DPP10: variants seen among roughly 807,000 people sequenced by gnomAD.
DPP10 encodes the protein inactive dipeptidyl peptidase 10.
A neutral mutation model predicts 120.9 loss-of-function variants in DPP10; 33 were observed. The ratio of observed to expected loss-of-function variants is 0.27; its 90% CI spans 0.21 to 0.37. The LOEUF (loss-of-function observed/expected upper bound fraction) is 0.37, where lower values mean the gene tolerates loss of function less well. DPP10 is among the 10% of genes least tolerant of loss of function. The pLI, the probability that DPP10 is intolerant of heterozygous loss-of-function variation, is 1.00. For synonymous variants in DPP10, 337 were observed against 326.1 expected (o/e 1.03, Z -0.36); for missense variants, 816 against 942.8 (o/e 0.87, Z 1.76).
At chr2:115,116,910 T>C (rs2049540160) in intron 1 of DPP10, among the ~76,000 whole-genome samples, 1 of 152,214 alleles carries the variant, frequency 6.6e-6, no homozygotes, top group Non-Finnish European at 1.5e-5. Context: ...TAAATTTTTA[T>C]CAGATTTCTT....
chr2:115,506,724 A>G (rs2076961521), intron 4 of DPP10, among the ~76,000 whole-genome samples: 4 of 152,220 alleles, frequency 2.6e-5, no homozygotes, highest in African/African-American at 9.6e-5. Context: ...GTATAGATCT[A>G]TCTATGCAGA....
chr2:114,724,492 T>C (rs1427098936), intron 1 of DPP10, among the ~76,000 whole-genome samples: 1 of 152,198 alleles, frequency 6.6e-6, no homozygotes, highest in Non-Finnish European at 1.5e-5. Context: ...AGGTTGATTT[T>C]TATACCTCAC....
intron 1 of DPP10, among the ~76,000 whole-genome samples, chr2:115,270,068 ACACAC>A: frequency 7.5e-5 from 1 of 13,400 alleles, no homozygotes; most frequent in South Asian, 4.9e-3. Flanking sequence ...GGTATACTTC[ACACAC>A]ACACACACAC....
At chr2:114,673,443 T>C (rs1234246738) in intron 1 of DPP10, among the ~76,000 whole-genome samples, 2 of 152,142 alleles carry the variant, frequency 1.3e-5, no homozygotes, top group Non-Finnish European at 2.9e-5. Context: ...TTTTCTTTTT[T>C]TATTTTTTGT....
chr2:115,768,237 G>A (rs895187630), intron 12 of DPP10, 60 bp from the exon 13 acceptor site: 9 of 1,436,548 alleles, frequency 6.3e-6, no homozygotes, highest in Middle Eastern at 1.8e-4. Flanking sequence ...ATTAACAGTA[G>A]TAGGCAGCAC....
At chr2:115,616,290 C>T (rs1415230071) in intron 5 of DPP10, among the ~76,000 whole-genome samples, 2 of 151,970 alleles carry the variant, frequency 1.3e-5, no homozygotes, top group South Asian at 4.2e-4. Flanking sequence ...TTATCTCATT[C>T]AATTCTCATA....
chr2:114,784,174 C>T (rs927285206), intron 1 of DPP10, among the ~76,000 whole-genome samples: 9 of 152,004 alleles, frequency 5.9e-5, no homozygotes, highest in African/African-American at 2.2e-4. Context: ...CCTGTAGTGT[C>T]GACTAACCTG....
intron 24 of DPP10, among the ~76,000 whole-genome samples, chr2:115,837,598 A>G (rs1287688920): frequency 6.6e-6 from 1 of 152,214 alleles, no homozygotes; most frequent in Non-Finnish European, 1.5e-5. Context: ...GGAAAAAGAG[A>G]GAAAGAGGAA....
chr2:115,741,544 TG>T (rs1486498747), intron 9 of DPP10, among the ~76,000 whole-genome samples: 2 of 152,020 alleles, frequency 1.3e-5, no homozygotes, highest in African/African-American at 4.8e-5. Context: ...GTTTGATTTA[TG>T]ATAATAAATG....
chr2:114,663,656 T>TAGAGAGAG (rs1304879668), intron 1 of DPP10, among the ~76,000 whole-genome samples: 4 of 95,098 alleles, frequency 4.2e-5, no homozygotes, highest in Admixed American at 2.9e-4. Flanking sequence ...TATATATATA[T>TAGAGAGAG]ATATATATAT....
At chr2:114,955,513 C>T (rs556048978) in intron 1 of DPP10, among the ~76,000 whole-genome samples, 1 of 152,304 alleles carries the variant, frequency 6.6e-6, no homozygotes, top group African/African-American at 2.4e-5. Flanking sequence ...TTCTACCAAA[C>T]ATTTAAAAAG....
intron 1 of DPP10, among the ~76,000 whole-genome samples, chr2:114,876,137 G>A (rs1260300287): frequency 1.3e-5 from 2 of 152,060 alleles, no homozygotes; most frequent in East Asian, 1.9e-4. Context: ...TAATGAAAAG[G>A]CACAGCAAAT....
At chr2:114,724,607 A>G (rs1266551716) in intron 1 of DPP10, among the ~76,000 whole-genome samples, 3 of 152,216 alleles carry the variant, frequency 2.0e-5, no homozygotes, top group South Asian at 2.1e-4. Flanking sequence ...CATACTTCCC[A>G]TGTTCACTTT....
At chr2:114,646,983 T>C (rs574014076) in intron 1 of DPP10, among the ~76,000 whole-genome samples, 3 of 152,346 alleles carry the variant, frequency 2.0e-5, no homozygotes, top group Admixed American at 2.0e-4. Context: ...TAAAGTCCCA[T>C]GGACAGTTAG....
chr2:115,807,187 A>G (rs548791390), intron 19 of DPP10, among the ~76,000 whole-genome samples: 1 of 152,212 alleles, frequency 6.6e-6, no homozygotes, highest in African/African-American at 2.4e-5. Context: ...TGGCCAAAGG[A>G]TAAGAATTAA....
intron 1 of DPP10, among the ~76,000 whole-genome samples, chr2:114,835,855 T>G (rs1411865449): frequency 6.6e-6 from 1 of 152,336 alleles, no homozygotes; most frequent in South Asian, 2.1e-4. Flanking sequence ...ATATAATTAG[T>G]GCTCAGCTGT....
At chr2:114,583,090 T>G (rs1690672110) in intron 1 of DPP10, among the ~76,000 whole-genome samples, 1 of 152,240 alleles carries the variant, frequency 6.6e-6, no homozygotes, top group South Asian at 2.1e-4. Context: ...GTAGTACAGT[T>G]TGTTAGGCTC....
intron 12 of DPP10, among the ~76,000 whole-genome samples, chr2:115,763,831 C>T (rs1338448436): frequency 6.6e-6 from 1 of 152,110 alleles, no homozygotes; most frequent in East Asian, 1.9e-4. Flanking sequence ...CTTAAAAGGT[C>T]CACAAGGGAT....
intron 1 of DPP10, among the ~76,000 whole-genome samples, chr2:115,154,481 A>T (rs2051764345): frequency 6.6e-6 from 1 of 152,176 alleles, no homozygotes; most frequent in African/African-American, 2.4e-5. Flanking sequence ...ATGAATCTTG[A>T]TATTCAGAGG....
Sources: gnomAD v4.1 joint callset for allele counts (sites outside exome capture counted in the v4.1 genomes callset) on GRCh38, gnomAD v4.1.1 for gene constraint, MANE v1.5 for transcripts, NCBI Gene and HGNC (gene_info 2026-07-23, HGNC 2026-07-21) for gene names.